The following LRP1B variants were observed in gnomAD, a reference collection of about 807,000 sequenced individuals.
LRP1B encodes LDL receptor related protein 1B, also known as low-density lipoprotein receptor-related protein 1B.
Under a neutral mutation model 556.6 loss-of-function variants are expected in LRP1B, and 217 were observed. The ratio of observed to expected loss-of-function variants is 0.39; its 90% CI spans 0.35 to 0.44. The LOEUF is 0.44. LRP1B is among the 20% of genes least tolerant of loss of function. The pLI, the probability that LRP1B is intolerant of heterozygous loss-of-function variation, is 1.00. For synonymous variants in LRP1B, 2,047 were observed against 1,865.8 expected, an observed-to-expected ratio of 1.10 and a Z score of -2.50; for missense variants, 5,053 against 5,620.8, an observed-to-expected ratio of 0.90 and a Z score of 3.23.
chr2:140,751,132 A>G (rs1688565295), intron 35 of LRP1B, among the ~76,000 whole-genome samples: 1 of 151,576 alleles, frequency 6.6e-6, no homozygotes, highest in Non-Finnish European at 1.5e-5. Context: ...AGCTGGGATT[A>G]CAGGCGCCTG....
At chr2:141,728,916 C>A (rs933996205) in intron 2 of LRP1B, among the ~76,000 whole-genome samples, 3 of 152,110 alleles carry the variant, frequency 2.0e-5, no homozygotes, top group African/African-American at 7.2e-5. Flanking sequence ...TCCTGTCTCC[C>A]TTCTGTCTGA....
intron 2 of LRP1B, among the ~76,000 whole-genome samples, chr2:141,519,360 GATATATATATATATATATATATAT>G (rs60473210): frequency 2.6e-4 from 18 of 68,324 alleles, no homozygotes; most frequent in East Asian, 7.9e-4. Context: ...TTAAGTCAAT[GATATATATATATATATATATATAT>G]ATATATATAT....
intron 1 of LRP1B, among the ~76,000 whole-genome samples, chr2:141,973,494 C>A (rs1701801706): frequency 6.6e-6 from 1 of 151,702 alleles, no homozygotes; most frequent in Non-Finnish European, 1.5e-5. Flanking sequence ...GTTTTTATAT[C>A]TGTTTCTTCA....
chr2:141,951,280 A>G (rs965399889), intron 1 of LRP1B, among the ~76,000 whole-genome samples: 1 of 152,014 alleles, frequency 6.6e-6, no homozygotes, highest in African/African-American at 2.4e-5. Context: ...ATTTCAGTGC[A>G]CCCGTTACCC....
intron 53 of LRP1B, among the ~76,000 whole-genome samples, chr2:140,503,540 C>G (rs1689284134): frequency 6.6e-6 from 1 of 151,998 alleles, no homozygotes; most frequent in South Asian, 2.1e-4. Context: ...GTTTAGAAAG[C>G]AGCACTCAAA....
chr2:141,503,663 A>T (rs920446428), intron 2 of LRP1B, among the ~76,000 whole-genome samples: 80 of 152,104 alleles, frequency 5.3e-4, no homozygotes, highest in African/African-American at 1.9e-3. Flanking sequence ...CTTCTTCTAA[A>T]ATATCACATC....
chr2:141,748,766 G>T (rs1219518756), intron 2 of LRP1B, among the ~76,000 whole-genome samples: 1 of 152,186 alleles, frequency 6.6e-6, no homozygotes, highest in Non-Finnish European at 1.5e-5. Context: ...TTCCAAAGCA[G>T]AAGGCTCTGG....
At position 140,516,890 on chromosome 2, in the gene LRP1B, A is replaced by G; in HGVS notation, c.8148T>C (p.Cys2716=). The G allele has an allele frequency of 6.2e-7, 1 of 1,613,250 alleles. No individual in the cohort carries two copies. The highest frequency in any genetic ancestry group is 8.5e-7 in the Non-Finnish European group (1 of 1,179,576). Residue 2716 remains cysteine (C), a splice_region_variant and synonymous_variant, in exon 50 of 91, where the codon TGT becomes TGC. Transcript: ENST00000389484. ...DCEDGRDEFH[C]DSSCSWNQFA... ...ACTAAGCTAAATACAATGTCTCACC[A>G]CAGTGGAATTCATCACGTCCATCCT...
At chr2:141,802,054 T>C (rs1567306) in intron 2 of LRP1B, among the ~76,000 whole-genome samples, 27,894 of 152,026 alleles carry the variant, frequency 0.18, 3,011 homozygotes, top group East Asian at 0.39. Context: ...GAGGCCTCTT[T>C]TGTTTGCTTG....
intron 2 of LRP1B, among the ~76,000 whole-genome samples, chr2:141,661,235 A>G (rs115256212): frequency 0.041 from 6,269 of 152,290 alleles, 172 homozygotes; most frequent in South Asian, 0.085. Flanking sequence ...TCCACGAAAA[A>G]AATGCTGAAA....
intron 32 of LRP1B, among the ~76,000 whole-genome samples, chr2:140,794,250 A>C (rs1390255258): frequency 6.6e-6 from 1 of 152,178 alleles, no homozygotes; most frequent in Non-Finnish European, 1.5e-5. Flanking sequence ...ATAATTTCCA[A>C]GAAAAGGAAA....
chr2:141,816,437 G>A lies in LRP1B; in HGVS notation c.83-6036C>T, dbSNP rs561736630. The stretch of plus-strand genomic sequence containing the variant: ...CTTTCTCCTGTGCTAGATGCTTTCT[G>A]CCTTCAAACATCAGACTCCAAGTTC... On this transcript the variant is annotated intron_variant, in intron 1 of 90. Transcript: ENST00000389484. Among the ~76,000 whole-genome samples, 9 of 152,288 alleles carry A rather than the reference G, an allele frequency of 5.9e-5. No homozygotes were observed. The South Asian group carries it at 1.9e-3, about 32-fold the overall frequency.
intron 7 of LRP1B, among the ~76,000 whole-genome samples, chr2:141,076,415 A>C (rs1440013653): frequency 1.3e-5 from 2 of 152,164 alleles, no homozygotes; most frequent in African/African-American, 4.8e-5. Flanking sequence ...TGAAAAGGTA[A>C]ATGTCCATGC....
chr2:140,600,701 G>T (rs1434441256), intron 42 of LRP1B, among the ~76,000 whole-genome samples: 1 of 138,596 alleles, frequency 7.2e-6, no homozygotes, highest in East Asian at 2.1e-4. Context: ...TTACCATATT[G>T]TATATGAGAG....
At chr2:141,534,536 C>A (rs1684999477) in intron 2 of LRP1B, among the ~76,000 whole-genome samples, 1 of 152,100 alleles carries the variant, frequency 6.6e-6, no homozygotes, top group Non-Finnish European at 1.5e-5. Context: ...TCTAAGACAA[C>A]CTACATCATC....
At chr2:142,028,600 T>G (rs187216860) in intron 1 of LRP1B, among the ~76,000 whole-genome samples, 9 of 152,080 alleles carry the variant, frequency 5.9e-5, no homozygotes, top group Admixed American at 5.9e-4. Flanking sequence ...ACATTTCCAG[T>G]TTGAGGGTAT....
chr2:140,974,711 T>TA (rs1696539796), intron 18 of LRP1B, among the ~76,000 whole-genome samples: 2 of 152,166 alleles, frequency 1.3e-5, no homozygotes, highest in African/African-American at 4.8e-5. Context: ...CTGGCCCACT[T>TA]AGATCCAATA....
At chr2:141,202,353 T>C (rs1292868299) in intron 6 of LRP1B, among the ~76,000 whole-genome samples, 1 of 152,232 alleles carries the variant, frequency 6.6e-6, no homozygotes, top group Admixed American at 6.5e-5. Context: ...TCTTTGCTAT[T>C]GTGAATAGTT....
intron 86 of LRP1B, among the ~76,000 whole-genome samples, chr2:140,263,804 G>GC (rs1231668062): frequency 2.4e-5 from 1 of 41,968 alleles, no homozygotes; most frequent in Non-Finnish European, 4.4e-5. Flanking sequence ...AGTAATTGAG[G>GC]CCTTTTTTTT....
Sources: allele counts gnomAD v4.1 joint callset (sites outside exome capture counted in the v4.1 genomes callset), GRCh38; gene constraint gnomAD v4.1.1; transcripts MANE v1.5; gene names NCBI Gene and HGNC (gene_info 2026-07-23, HGNC 2026-07-21).